The following CRADD variants were observed in gnomAD, a reference collection of about 807,000 sequenced individuals.
The protein encoded by CRADD is CARD and death domain containing adaptor protein.
In CRADD, 9 loss-of-function variants were observed where a neutral mutation model predicts 15.5. The ratio of observed to expected loss-of-function variants is 0.58; its 90% confidence interval spans 0.35 to 1.01. The LOEUF (loss-of-function observed/expected upper bound fraction) is 1.01. Among genes scored for constraint, CRADD ranks in the 50% least tolerant of loss-of-function variants. The probability of loss-of-function intolerance (pLI) is 0.02; values close to 1 mark genes in which losing one functional copy is unlikely to be tolerated. For missense variants in CRADD, 227 were observed against 250.3 expected, an observed-to-expected ratio of 0.91 and a Z score of 0.63; for synonymous variants, 118 against 107.6, an observed-to-expected ratio of 1.10 and a Z score of -0.60.
intron 2 of CRADD, among the ~76,000 whole-genome samples, chr12:93,712,470 G>T (rs939080539): frequency 3.9e-5 from 6 of 152,104 alleles, no homozygotes; most frequent in African/African-American, 1.4e-4. Context: ...TAAATGAAAG[G>T]CAGGAATATT....
chr12:93,883,668 CA>C (rs943567638), intron 2 of CRADD, among the ~76,000 whole-genome samples: 1 of 151,528 alleles, frequency 6.6e-6, no homozygotes, highest in East Asian at 1.9e-4. Flanking sequence ...AAAAACAAAA[CA>C]AAAAAAACAC....
In CRADD at chr12:93,868,463, G is replaced by C. The variant is rs529014172; in HGVS notation, c.299-25587G>C. On this transcript the variant is annotated intron_variant, in intron 2 of 2. Transcript: ENST00000548483. ...TGAATACTTGGAACACCATATATCA[G>C]GCAAAAGACATAAAGTCAGTTAAAA... is the stretch of plus-strand genomic sequence containing the variant. Among the ~76,000 whole-genome samples, 52 of 151,982 alleles carry C rather than the reference G, an allele frequency of 3.4e-4. No homozygotes were observed. In the South Asian group the frequency reaches 0.011, roughly 31 times the overall value.
Position 93,785,451 on chromosome 12 carries a change from C to T in CRADD, c.299-64519C>T, listed in dbSNP as rs532721086. 3.3e-5 allele frequency among the ~76,000 whole-genome samples: 5 copies of T among 152,258 alleles called. No homozygotes were observed. The East Asian group carries it at 9.7e-4, about 29-fold the overall frequency. The stretch of plus-strand genomic sequence containing the variant: ...GGTATGCGTCTTCCCGATCCCCTGG[C>T]CTATGGGTTAGAAGTCAAAGATGCT... On this transcript the variant is annotated intron_variant, in intron 2 of 2. Coordinates refer to ENST00000332896, the MANE Select transcript of CRADD (RefSeq NM_003805.5).
At chr12:93,757,329 A>T (rs1425662758) in intron 2 of CRADD, among the ~76,000 whole-genome samples, 3 of 152,062 alleles carry the variant, frequency 2.0e-5, no homozygotes, top group African/African-American at 4.8e-5. Context: ...TTATGTGTTC[A>T]TTTTCTAGTG....
intron 2 of CRADD, among the ~76,000 whole-genome samples, chr12:93,810,415 G>A (rs1371605897): frequency 6.6e-6 from 1 of 151,848 alleles, no homozygotes; most frequent in Non-Finnish European, 1.5e-5. Flanking sequence ...GCTGGGCATG[G>A]TGGCGCATGC....
intron 2 of CRADD, among the ~76,000 whole-genome samples, chr12:93,863,596 TTGTGTGTGTGTGTGTGTGTGTGTGTGTG>T (rs1157061528): frequency 2.4e-5 from 3 of 124,774 alleles, no homozygotes; most frequent in African/African-American, 9.2e-5. Flanking sequence ...GTGGAGGCAT[TTGTGTGTGTGTGTGTGTGTGTGTGTGTG>T]TGTGTGTGTG....
intron 2 of CRADD, among the ~76,000 whole-genome samples, chr12:93,710,766 C>A (rs1295285004): frequency 6.6e-6 from 1 of 152,072 alleles, no homozygotes. Flanking sequence ...AATGCCCCTT[C>A]TTGATGGGAT....
intron 2 of CRADD, among the ~76,000 whole-genome samples, chr12:93,883,975 G>A (rs1457743058): frequency 2.0e-5 from 3 of 152,206 alleles, no homozygotes; most frequent in Admixed American, 2.0e-4. Context: ...GGTGATCCAA[G>A]AGAAAGAGCA....
At chr12:93,769,107 G>T (rs924140726) in intron 2 of CRADD, among the ~76,000 whole-genome samples, 2 of 151,468 alleles carry the variant, frequency 1.3e-5, no homozygotes, top group Admixed American at 6.6e-5. Flanking sequence ...TGGAGACAGG[G>T]TCTTACTCTG....
Position 93,824,116 on chromosome 12 carries a change from A to G in CRADD, c.299-25854A>G, listed in dbSNP as rs964805859. On this transcript the variant is annotated intron_variant, in intron 2 of 2. Transcript: ENST00000332896. This position sits in a 1 kb window ranked among gnomAD's most constrained non-coding sequence, Gnocchi z 4.3. ...TTTTTATTTGTAATACCCTACTTTG[A>G]TGTTTCCTGGAAACTCTCCTTTGAG... Among the ~76,000 whole-genome samples, 17 of 152,052 alleles carry G rather than the reference A, an allele frequency of 1.1e-4. No homozygotes were observed. In the South Asian group the frequency reaches 3.1e-3, roughly 28 times the overall value.
chr12:93,881,176 A>G (rs17021659), intron 2 of CRADD, among the ~76,000 whole-genome samples: 2,663 of 152,226 alleles, frequency 0.017, 79 homozygotes, highest in African/African-American at 0.059. Context: ...AGTCAATCAA[A>G]CCACCCTTGG....
chr12:93,855,163 C>T (rs76493033), downstream of CRADD, among the ~76,000 whole-genome samples: 2 of 151,982 alleles, frequency 1.3e-5, no homozygotes, highest in Non-Finnish European at 2.9e-5. Flanking sequence ...CCACTTCACT[C>T]GAGTCTCGGA....
intron 2 of CRADD, among the ~76,000 whole-genome samples, chr12:93,745,804 T>A (rs1053954921): frequency 6.6e-6 from 1 of 152,204 alleles, no homozygotes; most frequent in Non-Finnish European, 1.5e-5. Context: ...GTGGAATGAT[T>A]TAGAGTTCTG....
intron 2 of CRADD, among the ~76,000 whole-genome samples, chr12:93,751,710 C>A (rs1308107137): frequency 1.3e-5 from 2 of 152,120 alleles, no homozygotes; most frequent in South Asian, 4.1e-4. Flanking sequence ...ACTAAAAATA[C>A]AAAAATTAGC....
chr12:93,682,686 C>CTGTA (rs1955342231), intron 2 of CRADD, among the ~76,000 whole-genome samples: 1 of 152,116 alleles, frequency 6.6e-6, no homozygotes, highest in African/African-American at 2.4e-5. Flanking sequence ...GAGAATTGAG[C>CTGTA]TGTATCTTGT....
intron 2 of CRADD, among the ~76,000 whole-genome samples, chr12:93,762,885 G>A (rs969577625): frequency 6.6e-6 from 1 of 152,120 alleles, no homozygotes; most frequent in Non-Finnish European, 1.5e-5. Context: ...TTCCCTGTGG[G>A]GAGGCTAGAA....
Position 93,767,454 on chromosome 12 carries a change from A to G in CRADD, c.299-82516A>G, listed in dbSNP as rs1009403717. Among the ~76,000 whole-genome samples the G allele has an allele frequency of 3.3e-5, 5 of 152,136 alleles. No individual in the cohort carries two copies. The South Asian group carries it at 6.2e-4, about 19-fold the overall frequency. On this transcript the variant is annotated intron_variant, in intron 2 of 2. Transcript: ENST00000332896. ...TGTATACATTTATTCTGTGTCCTCTATTAGATACTCTTGTCGTTTTTTAAG... is the reference window on the plus strand; with the variant it reads ...TGTATACATTTATTCTGTGTCCTCTGTTAGATACTCTTGTCGTTTTTTAAG...
In CRADD at chr12:93,775,407, G is replaced by A. The variant is rs144561924; in HGVS notation, c.299-74563G>A. ...GATGTGCAAACACGTATATAGGTTT[G>A]CATTAGGAGGCCTGGTTTTCAGAAA... is the stretch of plus-strand genomic sequence containing the variant. On this transcript the variant is annotated intron_variant, in intron 2 of 2. Transcript: ENST00000332896. Among the ~76,000 whole-genome samples, 47 of 152,208 alleles carry A rather than the reference G, an allele frequency of 3.1e-4. 1 individual carries two copies. Among genetic ancestry groups the A allele is most frequent in the African/African-American group, 8.4e-4 (35 of 41,532 alleles).
chr12:93,686,290 G>A, intron 2 of CRADD, among the ~76,000 whole-genome samples: 1 of 104,176 alleles, frequency 9.6e-6, no homozygotes, highest in South Asian at 3.4e-4. Context: ...AACAGAGTGA[G>A]ACTCCATCCC....
Sources: gnomAD v4.1 joint callset for allele counts (sites outside exome capture counted in the v4.1 genomes callset) on GRCh38, gnomAD v4.1.1 for gene constraint, Gnocchi (gnomAD v3.1) non-coding constraint, MANE v1.5 for transcripts, NCBI Gene and HGNC (gene_info 2026-07-23, HGNC 2026-07-21) for gene names.